ATPSCKMT: variants seen among roughly 807,000 people sequenced by gnomAD.
ATPSCKMT encodes ATP synthase c subunit lysine N-methyltransferase.
ATPSCKMT carries 24 observed loss-of-function variants against 24.3 expected under a neutral mutation model. The ratio of observed to expected loss-of-function variants is 0.99; its 90% confidence interval spans 0.71 to 1.39. ATPSCKMT has a LOEUF of 1.39. Ranked by LOEUF, ATPSCKMT falls within the 40% of genes most tolerant of loss-of-function variation. The pLI is 0.00. For synonymous variants in ATPSCKMT, 95 were observed against 110.5 expected, an observed-to-expected ratio of 0.86 and a Z score of 0.88; for missense variants, 311 against 298.4, an observed-to-expected ratio of 1.04 and a Z score of -0.31.
intron 1 of ATPSCKMT, among the ~76,000 whole-genome samples, chr5:10,240,003 G>A (rs746863548): frequency 5.9e-5 from 9 of 151,400 alleles, no homozygotes; most frequent in Non-Finnish European, 1.0e-4. Context: ...AAGGCGGGCC[G>A]ATCACGAGGT....
chr5:10,240,416 T>C (rs978594955), intron 1 of ATPSCKMT, among the ~76,000 whole-genome samples: 2 of 152,038 alleles, frequency 1.3e-5, no homozygotes, highest in African/African-American at 2.4e-5. Flanking sequence ...ATTGACAAAA[T>C]TGATTTTAAA....
chr5:10,245,186 T>C (rs536977979), intron 1 of ATPSCKMT, among the ~76,000 whole-genome samples: 35 of 152,240 alleles, frequency 2.3e-4, no homozygotes, highest in African/African-American at 6.0e-4. Flanking sequence ...TTTGGGAGGC[T>C]AAGGCGGGCA....
intron 1 of ATPSCKMT, among the ~76,000 whole-genome samples, chr5:10,241,524 T>C (rs1744645787): frequency 6.6e-6 from 1 of 152,184 alleles, no homozygotes; most frequent in African/African-American, 2.4e-5. Flanking sequence ...CTGAAGCCCC[T>C]TAAAATGAGT....
chr5:10,227,606 ATCC>A lies in ATPSCKMT; in HGVS notation c.534_536del (p.Glu178del). 6.2e-7 allele frequency: 1 copy of A among 1,614,236 alleles called. No individual in the cohort carries two copies. Among genetic ancestry groups the A allele is most frequent in the Non-Finnish European group, 8.5e-7 (1 of 1,180,044 alleles). On this transcript the variant is annotated inframe_deletion, in exon 5 of 5. Coordinates refer to ENST00000511437, the MANE Select transcript of ATPSCKMT (RefSeq NM_199133.4). Reference sequence around the variant, plus strand: ...ACCGGCAAGCAATAACTCGTGCATCATCCTCAAGTTCACGTTCAAGTTTCTTCT... The same window carrying A: ...ACCGGCAAGCAATAACTCGTGCATCATCAAGTTCACGTTCAAGTTTCTTCT...
At chr5:10,249,683 G>T in intron 1 of ATPSCKMT, 175 bp downstream of exon 1, 3 of 1,044,490 alleles carry the variant, frequency 2.9e-6, no homozygotes, top group Non-Finnish European at 4.0e-6. Context: ...GAACCGGCGC[G>T]GGCACCGCGC....
intron 1 of ATPSCKMT, among the ~76,000 whole-genome samples, chr5:10,242,742 A>T (rs1744706779): frequency 6.6e-6 from 1 of 152,226 alleles, no homozygotes; most frequent in African/African-American, 2.4e-5. Flanking sequence ...AAATAACAAG[A>T]CTTAAAAGTC....
rs1743935903 is a variant in ATPSCKMT, at chr5:10,227,534, T to C, written c.609A>G (p.Ile203Met). 1.2e-6 allele frequency: 2 copies of C among 1,614,084 alleles called. No individual in the cohort carries two copies. The highest frequency in any genetic ancestry group is 2.2e-5 in the South Asian group (2 of 91,086). The part of the protein sequence containing the change: ...WTPDHVTGEG[I>M]DTVWAYDAST... Reference sequence around the variant, plus strand: ...TTGCATCATATGCCCACACTGTGTCTATCCCCTCCCCCGTGACGTGGTCTG... The same window carrying C: ...TTGCATCATATGCCCACACTGTGTCCATCCCCTCCCCCGTGACGTGGTCTG... Residue 203 changes from isoleucine to methionine, a missense_variant, in exon 5 of 5, where the codon ATA becomes ATG. Ile to Met is a conservative substitution (Grantham distance 10, BLOSUM62 1). Transcript: ENST00000511437.
chr5:10,243,260 C>T (rs549347069), intron 1 of ATPSCKMT, among the ~76,000 whole-genome samples: 13 of 152,182 alleles, frequency 8.5e-5, no homozygotes, highest in Admixed American at 2.6e-4. Context: ...CTGAGGTGGG[C>T]GGATCACAAG....
At chr5:10,235,742 T>TA (rs76839781) in intron 3 of ATPSCKMT, among the ~76,000 whole-genome samples, 26,198 of 152,200 alleles carry the variant, frequency 0.17, 3,744 homozygotes, top group East Asian at 0.76. Flanking sequence ...AAATACTATG[T>TA]AAAAAAGTGC....
rs1175829984 is a variant in ATPSCKMT, at chr5:10,226,391, G to C, written c.*1050C>G. ...TCTTACTTCATTACATCTCCATTAAGACAGTTTGGTATTTCAGTTACAGGT... is the reference window on the plus strand; with the variant it reads ...TCTTACTTCATTACATCTCCATTAACACAGTTTGGTATTTCAGTTACAGGT... On this transcript the variant is annotated 3_prime_UTR_variant, in exon 5 of 5. Transcript: ENST00000511437. 1 of 152,166 alleles carries C rather than the reference G, an allele frequency of 6.6e-6. No homozygotes were observed. The highest frequency in any genetic ancestry group is 1.5e-5 in the Non-Finnish European group (1 of 68,028). The allele number at this position is 152,166 out of a possible 1,614,324, so 9.4% of individuals were successfully genotyped here.
At chr5:10,247,706 C>T (rs1437445918) in intron 1 of ATPSCKMT, among the ~76,000 whole-genome samples, 3 of 152,146 alleles carry the variant, frequency 2.0e-5, no homozygotes, top group African/African-American at 2.4e-5. Flanking sequence ...ATCCTTCTAA[C>T]GGAACATGTT....
At chr5:10,228,136 C>T (rs533359350) in intron 4 of ATPSCKMT, among the ~76,000 whole-genome samples, 17 of 152,182 alleles carry the variant, frequency 1.1e-4, no homozygotes, top group Non-Finnish European at 1.9e-4. Context: ...TGAGCCACTG[C>T]GCCCAGCCAC....
At chr5:10,249,085 C>T (rs143988939) in intron 1 of ATPSCKMT, among the ~76,000 whole-genome samples, 2,834 of 152,012 alleles carry the variant, frequency 0.019, 37 homozygotes, top group Non-Finnish European at 0.032. Flanking sequence ...CTGGCCACTA[C>T]GGCGTTAACA....
chr5:10,248,863 T>C (rs771009688), intron 1 of ATPSCKMT, among the ~76,000 whole-genome samples: 8 of 152,154 alleles, frequency 5.3e-5, no homozygotes, highest in Non-Finnish European at 1.0e-4. Flanking sequence ...CAAATAAATC[T>C]AAACCTATCA....
intron 1 of ATPSCKMT, among the ~76,000 whole-genome samples, chr5:10,245,831 C>T (rs1026067805): frequency 6.6e-6 from 1 of 151,970 alleles, no homozygotes; most frequent in African/African-American, 2.4e-5. Flanking sequence ...GCATTTAGCA[C>T]AAGCCTGAGA....
intron 4 of ATPSCKMT, among the ~76,000 whole-genome samples, chr5:10,231,524 C>T (rs74736460): frequency 0.035 from 5,326 of 152,092 alleles, 137 homozygotes; most frequent in African/African-American, 0.071. Context: ...TCATGCCACA[C>T]CTGCCTGCTT....
chr5:10,244,630 G>A (rs1405691225), intron 1 of ATPSCKMT: 2 of 152,194 alleles, frequency 1.3e-5, no homozygotes, highest in African/African-American at 4.8e-5. Context: ...AAGAAAAGTC[G>A]GCCAGGCACA....
intron 4 of ATPSCKMT, 56 bp downstream of exon 4, chr5:10,235,155 G>A (rs1744315741): frequency 6.5e-7 from 1 of 1,544,490 alleles, no homozygotes; most frequent in African/African-American, 1.4e-5. Flanking sequence ...GTTGTGGCTG[G>A]AAGGGCCTTC....
At chr5:10,242,039 CTT>C (rs1476626189) in intron 1 of ATPSCKMT, among the ~76,000 whole-genome samples, 1 of 152,166 alleles carries the variant, frequency 6.6e-6, no homozygotes, top group Non-Finnish European at 1.5e-5. Context: ...GAGTCATAAT[CTT>C]TTCACTGGTG....
Sources: allele counts gnomAD v4.1 joint callset (sites outside exome capture counted in the v4.1 genomes callset), GRCh38; gene constraint gnomAD v4.1.1; transcripts MANE v1.5; gene names NCBI Gene and HGNC (gene_info 2026-07-23, HGNC 2026-07-21).